FHIT: variants seen among roughly 807,000 people sequenced by gnomAD.
FHIT encodes fragile histidine triad diadenosine triphosphatase, also known as bis(5'-adenosyl)-triphosphatase.
Under a neutral mutation model 17.9 loss-of-function variants are expected in FHIT, and 19 were observed. That is an observed-to-expected ratio of 1.06 (90% confidence interval 0.74 to 1.56). FHIT has a LOEUF of 1.56. Among genes scored for constraint, FHIT ranks in the 40% most tolerant of loss-of-function variants. The pLI is 0.00. For synonymous variants in FHIT, 81 were observed against 69.7 expected (o/e 1.16, Z -0.81); for missense variants, 248 against 189.2 (o/e 1.31, Z -1.82).
chr3:60,062,628 C>T (rs911329218), intron 5 of FHIT, among the ~76,000 whole-genome samples: 1 of 152,188 alleles, frequency 6.6e-6, no homozygotes, highest in African/African-American at 2.4e-5. Context: ...AGAAGGCATT[C>T]TTCTGTTAAT....
chr3:60,182,642 G>T (rs1009295251), intron 5 of FHIT, among the ~76,000 whole-genome samples: 1 of 151,956 alleles, frequency 6.6e-6, no homozygotes, highest in African/African-American at 2.4e-5. Context: ...AAAAAGTCAG[G>T]CACAGCAGCA....
chr3:60,597,726 A>G (rs1172737876), intron 4 of FHIT, among the ~76,000 whole-genome samples: 1 of 152,140 alleles, frequency 6.6e-6, no homozygotes, highest in African/African-American at 2.4e-5. Context: ...GAGTTCATCA[A>G]ACTGTTTAAA....
chr3:59,840,686 C>A (rs1165633843), intron 8 of FHIT, among the ~76,000 whole-genome samples: 1 of 152,158 alleles, frequency 6.6e-6, no homozygotes, highest in Non-Finnish European at 1.5e-5. Flanking sequence ...TGCGTGGTTA[C>A]ATCACTCAAC....
intron 8 of FHIT, among the ~76,000 whole-genome samples, chr3:59,873,023 A>G (rs1702992401): frequency 6.6e-6 from 1 of 152,236 alleles, no homozygotes; most frequent in Middle Eastern, 3.2e-3. Flanking sequence ...GCCTGAACTG[A>G]GTCAAGGGTC....
At chr3:60,166,941 T>C (rs1199945747) in intron 5 of FHIT, among the ~76,000 whole-genome samples, 2 of 152,180 alleles carry the variant, frequency 1.3e-5, no homozygotes, top group African/African-American at 2.4e-5. Context: ...CTTATCCATG[T>C]GGCTGACAGT....
intron 2 of FHIT, among the ~76,000 whole-genome samples, chr3:61,051,950 T>G (rs17635382): frequency 1.3e-5 from 2 of 152,134 alleles, no homozygotes; most frequent in African/African-American, 4.8e-5. Flanking sequence ...CATCAGAAGA[T>G]AGAAGATGGA....
intron 4 of FHIT, among the ~76,000 whole-genome samples, chr3:60,583,296 C>T (rs568555826): frequency 6.6e-6 from 1 of 152,094 alleles, no homozygotes; most frequent in South Asian, 2.1e-4. Context: ...TGTCTTCAGC[C>T]GCTGTACAGA....
chr3:60,810,663 T>C (rs1701544869), intron 4 of FHIT, among the ~76,000 whole-genome samples: 2 of 152,192 alleles, frequency 1.3e-5, no homozygotes, highest in Non-Finnish European at 2.9e-5. Flanking sequence ...TAACTCTCTG[T>C]CACTCTCCAA....
intron 5 of FHIT, among the ~76,000 whole-genome samples, chr3:60,454,471 A>AC (rs1402558076): frequency 6.8e-6 from 1 of 146,788 alleles, no homozygotes; most frequent in Non-Finnish European, 1.5e-5. Context: ...TGCAACCTCC[A>AC]CCTCCTGGGT....
At chr3:61,216,694 C>T (rs757501362) in intron 1 of FHIT, among the ~76,000 whole-genome samples, 38 of 152,156 alleles carry the variant, frequency 2.5e-4, no homozygotes, top group Non-Finnish European at 4.3e-4. Context: ...CACATGCACA[C>T]GTATGTTTAT....
chr3:60,943,710 T>A (rs1300176775), intron 3 of FHIT, among the ~76,000 whole-genome samples: 1 of 152,168 alleles, frequency 6.6e-6, no homozygotes, highest in African/African-American at 2.4e-5. Flanking sequence ...CTGCATACCA[T>A]AGCAAGCATT....
chr3:60,350,263 G>T (rs904677379), intron 5 of FHIT, among the ~76,000 whole-genome samples: 3 of 152,034 alleles, frequency 2.0e-5, no homozygotes, highest in African/African-American at 7.2e-5. Context: ...GGGAAAACTT[G>T]GTAATAGTGT....
At chr3:60,276,334 A>T (rs995465278) in intron 5 of FHIT, among the ~76,000 whole-genome samples, 2 of 152,184 alleles carry the variant, frequency 1.3e-5, no homozygotes, top group Non-Finnish European at 2.9e-5. Context: ...GAGACAGAGG[A>T]AGTCCAGCAG....
At chr3:60,125,673 T>G (rs1260978723) in intron 5 of FHIT, among the ~76,000 whole-genome samples, 1 of 119,668 alleles carries the variant, frequency 8.4e-6, no homozygotes, top group Non-Finnish European at 1.9e-5. Context: ...TGTATATATA[T>G]GTGTGTGCGT....
chr3:61,226,592 G>C (rs2039975820), intron 1 of FHIT, among the ~76,000 whole-genome samples: 1 of 151,672 alleles, frequency 6.6e-6, no homozygotes, highest in African/African-American at 2.4e-5. Flanking sequence ...AGAAGAAGTG[G>C]GTCAAATACA....
At chr3:60,290,502 G>A (rs1194473924) in intron 5 of FHIT, among the ~76,000 whole-genome samples, 1 of 151,990 alleles carries the variant, frequency 6.6e-6, no homozygotes, top group Admixed American at 6.6e-5. Context: ...AACCCTAGAA[G>A]AACTGAGTCC....
intron 2 of FHIT, among the ~76,000 whole-genome samples, chr3:61,191,152 T>C (rs1242765236): frequency 2.6e-5 from 4 of 152,188 alleles, no homozygotes; most frequent in Admixed American, 6.5e-5. Context: ...GCTGGTTAAT[T>C]TTCTGTGTCA....
At chr3:61,057,426 C>G (rs1001401522) in intron 2 of FHIT, among the ~76,000 whole-genome samples, 4 of 152,036 alleles carry the variant, frequency 2.6e-5, no homozygotes, top group African/African-American at 9.7e-5. Flanking sequence ...GTGGAAAAGG[C>G]CTTTGTTTTC....
At chr3:59,998,262 C>T (rs1340515069) in intron 7 of FHIT, among the ~76,000 whole-genome samples, 19 of 152,238 alleles carry the variant, frequency 1.2e-4, no homozygotes, top group Admixed American at 1.2e-3. Context: ...ATGGATGATG[C>T]AATGCCATGA....
Sources: allele counts gnomAD v4.1 joint callset (sites outside exome capture counted in the v4.1 genomes callset), GRCh38; gene constraint gnomAD v4.1.1; transcripts MANE v1.5; gene names NCBI Gene and HGNC (gene_info 2026-07-23, HGNC 2026-07-21).